Variants in ZMIZ1 observed in about 807,000 individuals in gnomAD.
ZMIZ1 encodes the protein zinc finger MIZ domain-containing protein 1.
A neutral mutation model predicts 113.9 loss-of-function variants in ZMIZ1; 17 were observed. The ratio of observed to expected loss-of-function variants is 0.15; its 90% CI spans 0.10 to 0.22. The LOEUF is 0.22. ZMIZ1 is among the 10% of genes least tolerant of loss of function. ZMIZ1 has a pLI of 1.00. For missense variants in ZMIZ1, 1,059 were observed against 1,477.8 expected (o/e 0.72, Z 4.65); for synonymous variants, 607 against 603.1 (o/e 1.01, Z -0.09).
At chr10:79,252,671 G>A (rs536849274) in intron 7 of ZMIZ1, among the ~76,000 whole-genome samples, 2 of 152,324 alleles carry the variant, frequency 1.3e-5, no homozygotes, top group South Asian at 4.1e-4. Context: ...CTCACCCACA[G>A]GTCTGTTATA....
chr10:79,082,664 C>T lies in ZMIZ1; in HGVS notation c.-337+13394C>T, dbSNP rs1290492087. Among the ~76,000 whole-genome samples the T allele has an allele frequency of 3.3e-5, 5 of 152,250 alleles. No individual in the cohort carries two copies. In the South Asian group the frequency reaches 8.3e-4, roughly 25 times the overall value. ...GGCTTGGTCTCCCCCTACTTTCACC[C>T]TTTGCGCCCGAGGCTGTCCTTGGCC... On this transcript the variant is annotated intron_variant, in intron 1 of 24. Coordinates refer to ENST00000334512, the MANE Select transcript of ZMIZ1 (RefSeq NM_020338.4).
chr10:79,175,514 G>A (rs970996913), intron 4 of ZMIZ1, among the ~76,000 whole-genome samples: 7 of 149,926 alleles, frequency 4.7e-5, no homozygotes, highest in East Asian at 1.9e-4. Context: ...CCTCTCTATC[G>A]CTGGGTTGGG....
intron 7 of ZMIZ1, among the ~76,000 whole-genome samples, chr10:79,235,753 C>T (rs1849564377): frequency 6.6e-6 from 1 of 152,186 alleles, no homozygotes; most frequent in Non-Finnish European, 1.5e-5. Flanking sequence ...CCACACTGTG[C>T]TGGGAAAAAA....
intron 2 of ZMIZ1, among the ~76,000 whole-genome samples, chr10:79,123,585 A>G (rs1033637688): frequency 6.6e-6 from 1 of 152,002 alleles, no homozygotes; most frequent in African/African-American, 2.4e-5. Flanking sequence ...CTTTTAAGAG[A>G]AGGTGGAGAG....
intron 4 of ZMIZ1, among the ~76,000 whole-genome samples, chr10:79,165,970 G>GGGCTCTCCCTGCAGCTCAGC (rs1564692797): frequency 5.4e-5 from 8 of 148,190 alleles, no homozygotes; most frequent in South Asian, 2.1e-4. Flanking sequence ...GTGTGTGTGT[G>GGGCTCTCCCTGCAGCTCAGC]TGTGTGTGTG....
rs567867020 is a variant in ZMIZ1 at position 79,291,717 on chromosome 10, G to A, written c.759-441G>A. Reference sequence around the variant, plus strand: ...GTGCCCATTCTCCTCTTTCCACCCCGCCCTGCCTAAGACCCCCACCTTGGC... The same window carrying A: ...GTGCCCATTCTCCTCTTTCCACCCCACCCTGCCTAAGACCCCCACCTTGGC... On this transcript the variant is annotated intron_variant, in intron 10 of 24. Transcript: ENST00000334512. Among the ~76,000 whole-genome samples, 6 of 152,262 alleles carry A rather than the reference G, an allele frequency of 3.9e-5. No individual in the cohort carries two copies. In the South Asian group the frequency reaches 6.2e-4, roughly 16 times the overall value.
intron 9 of ZMIZ1, chr10:79,290,627 C>T (rs1431990180): frequency 2.0e-6 from 1 of 498,790 alleles, no homozygotes; most frequent in Non-Finnish European, 3.9e-6. Flanking sequence ...GGGCTCTCCC[C>T]ACGGGTACCT....
rs199976427 is a variant in ZMIZ1 at position 79,312,905 on chromosome 10, CAG to C, written c.*159_*160del. 7,784 of 661,068 alleles carry C rather than the reference CAG, an allele frequency of 0.012. 80 individuals carry two copies. Among genetic ancestry groups the C allele is most frequent in the Middle Eastern group, 0.016 (37 of 2,346 alleles). 41.0% of individuals were successfully genotyped at this position (661,068 alleles called of 1,614,324 possible). A position where few individuals can be genotyped will look rare whatever the true frequency, so the allele number is the denominator to read the frequency against. On this transcript the variant is annotated 3_prime_UTR_variant, in exon 25 of 25. Transcript: ENST00000334512. ...CTCCCCCGCTGCAGCCCTCTCAGAACAGAGGGGTAGGGAGGGTGCACCAGTGC... is the reference window on the plus strand; with the variant it reads ...CTCCCCCGCTGCAGCCCTCTCAGAACAGGGGTAGGGAGGGTGCACCAGTGC...
intron 7 of ZMIZ1, among the ~76,000 whole-genome samples, chr10:79,232,388 C>T (rs1373604200): frequency 6.6e-6 from 1 of 152,076 alleles, no homozygotes; most frequent in South Asian, 2.1e-4. Context: ...AGCAGGAGGA[C>T]GGTGTATTTT....
At position 79,208,399 on chromosome 10, in the gene ZMIZ1, C is replaced by G. The variant is rs1466187316; in HGVS notation, c.124C>G (p.Pro42Ala). 7 of 1,613,992 alleles carry G rather than the reference C, an allele frequency of 4.3e-6. No homozygotes were observed. The highest frequency in any genetic ancestry group is 1.3e-5 in the African/African-American group (1 of 74,928). The change falls in exon 6 of 25, where the codon CCA becomes GCA. Residue 42 changes from proline (P) to alanine (A), a missense_variant. By Grantham distance (27) the Pro-to-Ala change is conservative (BLOSUM62 -1). Around this residue, in one of 6 missense-constraint regions of ZMIZ1, gnomAD observed 272 missense variants for 350.4 expected, o/e 0.78. Coordinates refer to ENST00000334512, the MANE Select transcript of ZMIZ1 (RefSeq NM_020338.4). The stretch of plus-strand genomic sequence containing the variant: ...GGAGCTGCTGGACTGGTGCGGAGAC[C>G]CACGGGCCTTCCAGCGGCCCTTCGA... Reference protein sequence around the residue: ...ATELLDWCGDPRAFQRPFEQS... With the variant: ...ATELLDWCGDARAFQRPFEQS...
At chr10:79,140,404 ACAG>A (rs1564675350) in intron 3 of ZMIZ1, among the ~76,000 whole-genome samples, 1 of 152,222 alleles carries the variant, frequency 6.6e-6, no homozygotes, top group Non-Finnish European at 1.5e-5. Flanking sequence ...TGGCCACGCC[ACAG>A]CAGCTTGGCT....
At chr10:79,126,543 C>G (rs1370986664) in intron 2 of ZMIZ1, among the ~76,000 whole-genome samples, 3 of 152,320 alleles carry the variant, frequency 2.0e-5, no homozygotes, top group Non-Finnish European at 4.4e-5. Flanking sequence ...GGGCCAAGAC[C>G]CTGTGGCAGC....
chr10:79,249,770 G>A (rs1280816937), intron 7 of ZMIZ1, among the ~76,000 whole-genome samples: 3 of 152,124 alleles, frequency 2.0e-5, no homozygotes, highest in South Asian at 2.1e-4. Flanking sequence ...TCTGTGGCCC[G>A]CGGGCCTACC....
chr10:79,143,790 G>A (rs910745951), intron 3 of ZMIZ1, among the ~76,000 whole-genome samples: 1 of 152,034 alleles, frequency 6.6e-6, no homozygotes, highest in African/African-American at 2.4e-5. Context: ...GATAGGGGCT[G>A]GGGGGTGGGG....
At position 79,316,037 on chromosome 10, in the gene ZMIZ1, G is replaced by C. The variant is rs931402433; in HGVS notation, c.*3288G>C. On this transcript the variant is annotated 3_prime_UTR_variant, in exon 25 of 25. Transcript: ENST00000334512. ...TGTACTATTTAGCTTCAGTGTACTAGTCCTGCCACCTGTGTATTTTTAGGG... is the reference window on the plus strand; with the variant it reads ...TGTACTATTTAGCTTCAGTGTACTACTCCTGCCACCTGTGTATTTTTAGGG... 1 of 152,712 alleles carries C rather than the reference G, an allele frequency of 6.5e-6. No homozygotes were observed. The highest frequency in any genetic ancestry group is 2.4e-5 in the African/African-American group (1 of 41,420). 9.5% of individuals were successfully genotyped at this position (152,712 alleles called of 1,614,324 possible).
intron 7 of ZMIZ1, among the ~76,000 whole-genome samples, chr10:79,236,239 CA>C (rs1471718617): frequency 1.3e-5 from 2 of 152,184 alleles, no homozygotes; most frequent in African/African-American, 4.8e-5. Flanking sequence ...TCTTCCGCTG[CA>C]AAGTGGAAGC....
chr10:79,186,855 G>A (rs1394111644), intron 4 of ZMIZ1, among the ~76,000 whole-genome samples: 1 of 152,206 alleles, frequency 6.6e-6, no homozygotes, highest in Non-Finnish European at 1.5e-5. Flanking sequence ...CTGAGCATGT[G>A]GTTTTATTTC....
Position 79,292,215 on chromosome 10 carries a change from G to T in ZMIZ1, c.816G>T (p.Pro272=), listed in dbSNP as rs372248154. 1 of 1,612,148 alleles carries T rather than the reference G, an allele frequency of 6.2e-7. No individual in the cohort carries two copies. The highest frequency in any genetic ancestry group is 1.1e-5 in the South Asian group (1 of 91,000). ...TGGGCATCCCTCCGCACACCAGGCC[G>T]CCTGCTGACTTCACTCAGCCCGCGG... ...AGMGIPPHTR[P]PADFTQPAAA... Residue 272 remains proline, a synonymous_variant, in exon 11 of 25, where the codon CCG becomes CCT. Coordinates refer to ENST00000334512, the MANE Select transcript of ZMIZ1 (RefSeq NM_020338.4).
At chr10:79,259,121 A>C (rs577874367) in intron 7 of ZMIZ1, among the ~76,000 whole-genome samples, 1 of 152,258 alleles carries the variant, frequency 6.6e-6, no homozygotes, top group East Asian at 1.9e-4. Flanking sequence ...GTGATGGATG[A>C]TGTGAGCTTT....
Sources: gnomAD v4.1 joint callset for allele counts (sites outside exome capture counted in the v4.1 genomes callset) on GRCh38, gnomAD v4.1.1 for gene constraint, gnomAD v4.1.1 regional missense constraint, MANE v1.5 for transcripts, NCBI Gene and HGNC (gene_info 2026-07-23, HGNC 2026-07-21) for gene names.